EPHB1: variants seen among roughly 807,000 people sequenced by gnomAD.
The protein encoded by EPHB1 is EPH receptor B1.
EPHB1 carries 30 observed loss-of-function variants against 94.4 expected under a neutral mutation model. That is an observed-to-expected ratio of 0.32 (90% CI 0.24 to 0.43). EPHB1 has a LOEUF of 0.43. EPHB1 is among the 20% of genes least tolerant of loss of function. The pLI, the probability that EPHB1 is intolerant of heterozygous loss-of-function variation, is 1.00. For missense variants in EPHB1, 1,055 were observed against 1,308.3 expected, an observed-to-expected ratio of 0.81 and a Z score of 2.99; for synonymous variants, 522 against 489.1, an observed-to-expected ratio of 1.07 and a Z score of -0.89.
intron 12 of EPHB1, among the ~76,000 whole-genome samples, chr3:135,233,473 G>A (rs763853840): frequency 5.9e-5 from 9 of 152,226 alleles, no homozygotes; most frequent in Non-Finnish European, 1.3e-4. Flanking sequence ...AGCTTTGCAG[G>A]GTACAGCTCC....
chr3:134,845,402 TAAATA>T (rs938374498), intron 1 of EPHB1, among the ~76,000 whole-genome samples: 36 of 152,344 alleles, frequency 2.4e-4, no homozygotes, highest in Middle Eastern at 3.4e-3. Context: ...GATGCAGAGA[TAAATA>T]AAATAAGATT....
intron 3 of EPHB1, among the ~76,000 whole-genome samples, chr3:134,994,362 G>T (rs58259247): frequency 0.017 from 2,517 of 152,238 alleles, 74 homozygotes; most frequent in African/African-American, 0.055. Flanking sequence ...TTTGACCCCT[G>T]CCCAGCAGGC....
At chr3:134,882,813 T>TCTTTCTTTC in intron 1 of EPHB1, among the ~76,000 whole-genome samples, 1 of 82,426 alleles carries the variant, frequency 1.2e-5, no homozygotes, top group Non-Finnish European at 2.8e-5. Context: ...TTTCTTTCTT[T>TCTTTCTTTC]CTTTCTTTCT....
At position 135,165,935 on chromosome 3, in the gene EPHB1, T is replaced by C. The variant is rs151194442; in HGVS notation, c.1586-33T>C. On this transcript the variant is annotated intron_variant, in intron 7 of 15. Coordinates refer to ENST00000398015, the MANE Select transcript of EPHB1 (RefSeq NM_004441.5). ...GTATCAGCTGTATGCAAAAGGCACA[T>C]GGGGAGGATTCTAATGCCTCTTTCT... 4.7e-4 allele frequency: 717 copies of C among 1,532,182 alleles called. 6 individuals are homozygous for C. The African/African-American group carries it at 7.8e-3, about 17-fold the overall frequency. 94.9% of individuals were successfully genotyped at this position (1,532,182 alleles called of 1,614,324 possible). A position where few individuals can be genotyped will look rare whatever the true frequency, so the allele number is the denominator to read the frequency against.
chr3:135,188,849 C>G (rs1429829436), intron 10 of EPHB1, among the ~76,000 whole-genome samples: 1 of 152,132 alleles, frequency 6.6e-6, no homozygotes, highest in Non-Finnish European at 1.5e-5. Context: ...CTTTGAAAAC[C>G]TCCTGGCTTG....
At chr3:134,801,533 T>C (rs2035935366) in intron 1 of EPHB1, among the ~76,000 whole-genome samples, 1 of 152,194 alleles carries the variant, frequency 6.6e-6, no homozygotes. Flanking sequence ...TGTTTCCCTC[T>C]TATGCACTAG....
chr3:134,856,857 A>G (rs1200179002), intron 1 of EPHB1, among the ~76,000 whole-genome samples: 2 of 152,204 alleles, frequency 1.3e-5, no homozygotes, highest in Non-Finnish European at 2.9e-5. Context: ...CACCTATGTG[A>G]TTTGCATTAT....
chr3:134,812,261 T>G (rs2036192993), intron 1 of EPHB1, among the ~76,000 whole-genome samples: 1 of 152,182 alleles, frequency 6.6e-6, no homozygotes, highest in Admixed American at 6.5e-5. Context: ...CTCATGTCCC[T>G]TCATGGTCAT....
chr3:134,904,723 G>A (rs1369792946), intron 1 of EPHB1, among the ~76,000 whole-genome samples: 1 of 152,214 alleles, frequency 6.6e-6, no homozygotes, highest in Non-Finnish European at 1.5e-5. Flanking sequence ...GAATTCTACA[G>A]CTGATCACAG....
chr3:134,879,185 G>A (rs901316334), intron 1 of EPHB1, among the ~76,000 whole-genome samples: 2 of 152,134 alleles, frequency 1.3e-5, no homozygotes, highest in African/African-American at 2.4e-5. Context: ...CATATCCAAG[G>A]TGCTCAGAGC....
At chr3:134,985,685 A>G (rs1024755657) in intron 3 of EPHB1, among the ~76,000 whole-genome samples, 1 of 152,196 alleles carries the variant, frequency 6.6e-6, no homozygotes, top group Non-Finnish European at 1.5e-5. Context: ...GATGAGTAAC[A>G]TGCCCAGCAC....
chr3:134,908,611 T>G (rs530589001), intron 1 of EPHB1, among the ~76,000 whole-genome samples: 3 of 152,100 alleles, frequency 2.0e-5, no homozygotes, highest in Non-Finnish European at 4.4e-5. Flanking sequence ...GCCTGATATA[T>G]TCCTGGCCAG....
rs532572492 is a variant in EPHB1 at position 135,094,271 on chromosome 3, A to G, written c.806-12177A>G. Among the ~76,000 whole-genome samples, 20 of 152,318 alleles carry G rather than the reference A, an allele frequency of 1.3e-4. 1 individual carries two copies. In the South Asian group the frequency reaches 3.9e-3, roughly 30 times the overall value. ...CCATGCTGATCATTTCAAGGTTGTA[A>G]GAGCCTTGGAGAGTGAAGGACCAGG... On this transcript the variant is annotated intron_variant, in intron 3 of 15. Transcript: ENST00000398015.
intron 3 of EPHB1, among the ~76,000 whole-genome samples, chr3:134,973,425 C>CTTTTTTTTTTTTTTTT (rs10664147): frequency 1.1e-5 from 1 of 91,012 alleles, no homozygotes; most frequent in African/African-American, 4.7e-5. Context: ...GTCTTCTAGT[C>CTTTTTTTTTTTTTTTT]TTTTTTTTTT....
chr3:135,252,322 G>C (rs111795080), intron 15 of EPHB1, among the ~76,000 whole-genome samples: 1 of 148,774 alleles, frequency 6.7e-6, no homozygotes, highest in Non-Finnish European at 1.5e-5. Context: ...CCACTAACTC[G>C]TCATCTAGCA....
At chr3:135,052,890 A>AAAATATAT (rs1553726757) in intron 3 of EPHB1, among the ~76,000 whole-genome samples, 1 of 54,620 alleles carries the variant, frequency 1.8e-5, no homozygotes, top group Non-Finnish European at 2.9e-5. Flanking sequence ...AAAAAAAAAA[A>AAAATATAT]ATATATATAT....
At chr3:134,873,701 G>T (rs1266706163) in intron 1 of EPHB1, among the ~76,000 whole-genome samples, 1 of 152,210 alleles carries the variant, frequency 6.6e-6, no homozygotes, top group Non-Finnish European at 1.5e-5. Flanking sequence ...AGAGGGCCCT[G>T]GCCACGCATC....
In EPHB1 at chr3:135,124,248, G is replaced by T. The variant is rs1468078837; in HGVS notation, c.962-8466G>T. ...ATTGCTTCTGTCTCATCACACTCAGGTCTCTGTCCAGATGGCCTCTGCTCT... is the reference window on the plus strand; with the variant it reads ...ATTGCTTCTGTCTCATCACACTCAGTTCTCTGTCCAGATGGCCTCTGCTCT... On this transcript the variant is annotated intron_variant, in intron 4 of 15. Transcript: ENST00000398015. Among the ~76,000 whole-genome samples the T allele has an allele frequency of 3.3e-5, 5 of 151,626 alleles. 1 individual carries two copies. Among genetic ancestry groups the T allele is most frequent in the African/African-American group, 9.8e-5 (4 of 40,948 alleles).
At chr3:135,248,631 C>A in intron 14 of EPHB1, 122 bp downstream of exon 14, 3 of 978,888 alleles carry the variant, frequency 3.1e-6, no homozygotes, top group South Asian at 2.0e-5. Context: ...CAGTGTGGGC[C>A]TTATGTTGAG....
Sources: gnomAD v4.1 joint callset for allele counts (sites outside exome capture counted in the v4.1 genomes callset) on GRCh38, gnomAD v4.1.1 for gene constraint, MANE v1.5 for transcripts, NCBI Gene and HGNC (gene_info 2026-07-23, HGNC 2026-07-21) for gene names.